TBC1D9: variants seen among roughly 807,000 people sequenced by gnomAD.
TBC1D9 encodes TBC1 domain family member 9.
In TBC1D9, 63 loss-of-function variants were observed where a neutral mutation model predicts 132.0. The ratio of observed to expected loss-of-function variants is 0.48; its 90% CI spans 0.39 to 0.59. The LOEUF is 0.59. Ranked by LOEUF, TBC1D9 falls within the 20% of genes least tolerant of loss-of-function variation. The pLI is 0.00. For missense variants in TBC1D9, 1,261 were observed against 1,592.7 expected (o/e 0.79, Z 3.54); for synonymous variants, 610 against 609.9 (o/e 1.00, Z 0.00).
intron 1 of TBC1D9, among the ~76,000 whole-genome samples, chr4:140,746,592 G>T (rs1223226196): frequency 2.0e-5 from 3 of 152,152 alleles, no homozygotes; most frequent in Non-Finnish European, 4.4e-5. Context: ...ACATGGCTGG[G>T]GAGGCCTCAT....
At chr4:140,737,779 T>C (rs1738698931) in intron 1 of TBC1D9, among the ~76,000 whole-genome samples, 1 of 152,196 alleles carries the variant, frequency 6.6e-6, no homozygotes, top group South Asian at 2.1e-4. Context: ...ATCGCTTTGG[T>C]GGAAAATTTG....
chr4:140,643,470 G>C (rs1048426547), intron 13 of TBC1D9: 1 of 894,888 alleles, frequency 1.1e-6, no homozygotes, highest in Non-Finnish European at 1.8e-6. Context: ...CAGGTAGCAG[G>C]TGCTGCCGGG....
intron 3 of TBC1D9, among the ~76,000 whole-genome samples, chr4:140,681,164 T>C (rs1400700791): frequency 1.3e-5 from 2 of 152,140 alleles, no homozygotes; most frequent in Non-Finnish European, 2.9e-5. Flanking sequence ...TGAGGCACCC[T>C]TGGGGCCTGA....
chr4:140,696,612 C>A (rs1737963582), intron 2 of TBC1D9, among the ~76,000 whole-genome samples: 1 of 152,142 alleles, frequency 6.6e-6, no homozygotes, highest in Non-Finnish European at 1.5e-5. Flanking sequence ...CCAAAACAGT[C>A]CTCCTGCCTG....
chr4:140,690,091 C>A (rs564252038), intron 2 of TBC1D9, among the ~76,000 whole-genome samples: 1 of 151,914 alleles, frequency 6.6e-6, no homozygotes, highest in South Asian at 2.1e-4. Flanking sequence ...ACATCCCCAC[C>A]ACACACACAC....
chr4:140,697,518 T>C (rs1178983573), intron 2 of TBC1D9, among the ~76,000 whole-genome samples: 1 of 152,216 alleles, frequency 6.6e-6, no homozygotes, highest in Non-Finnish European at 1.5e-5. Flanking sequence ...ATACAAAAAC[T>C]AAAACCATTC....
At chr4:140,677,222 G>A (rs756081822) in intron 5 of TBC1D9, 121 bp from the exon 6 acceptor site, 243 of 1,077,356 alleles carry the variant, frequency 2.3e-4, no homozygotes, top group Non-Finnish European at 2.9e-4. Context: ...CTCATCCCCC[G>A]CTTCTCAGCT....
chr4:140,725,162 A>G (rs1738479541), intron 1 of TBC1D9, among the ~76,000 whole-genome samples: 1 of 152,248 alleles, frequency 6.6e-6, no homozygotes, highest in African/African-American at 2.4e-5. Flanking sequence ...ATAAACGTCC[A>G]TTAACAGAGG....
chr4:140,704,025 C>T lies in TBC1D9; in HGVS notation c.131-2411G>A, dbSNP rs547981389. 1.4e-4 allele frequency among the ~76,000 whole-genome samples: 22 copies of T among 152,270 alleles called. No homozygotes were observed. In the South Asian group the frequency reaches 4.4e-3, roughly 30 times the overall value. On this transcript the variant is annotated intron_variant, in intron 1 of 20. Transcript: ENST00000442267. ...TTGAATCAAAATAAGAAATAAAATG[C>T]TGAAACTACTACAAGTGTCATATAT...
At chr4:140,689,281 G>T (rs1737836385) in intron 2 of TBC1D9, among the ~76,000 whole-genome samples, 1 of 152,030 alleles carries the variant, frequency 6.6e-6, no homozygotes, top group African/African-American at 2.4e-5. Context: ...TTTACTTTCA[G>T]AATCCCATGG....
intron 1 of TBC1D9, among the ~76,000 whole-genome samples, chr4:140,753,631 T>A (rs1454132716): frequency 1.3e-5 from 2 of 152,224 alleles, no homozygotes; most frequent in Non-Finnish European, 2.9e-5. Flanking sequence ...CATGCCTCTA[T>A]TTTTCGAAGT....
intron 2 of TBC1D9, among the ~76,000 whole-genome samples, chr4:140,698,603 C>T (rs1417624294): frequency 6.6e-6 from 1 of 151,976 alleles, no homozygotes; most frequent in Non-Finnish European, 1.5e-5. Context: ...CAAAAACTGG[C>T]AGGGCGTGCC....
chr4:140,634,386 A>C (rs571078901), intron 15 of TBC1D9, among the ~76,000 whole-genome samples, 198 bp from the exon 16 acceptor site: 198 of 152,232 alleles, frequency 1.3e-3, no homozygotes, highest in Admixed American at 2.4e-3. Flanking sequence ...CCTCCACACC[A>C]ACCACTTCTG....
chr4:140,714,708 C>T (rs1328627397), intron 1 of TBC1D9, among the ~76,000 whole-genome samples: 1 of 152,160 alleles, frequency 6.6e-6, no homozygotes, highest in Non-Finnish European at 1.5e-5. Context: ...GATAGCTTTC[C>T]AGGACCATTT....
chr4:140,655,055 G>T (rs572936606), intron 13 of TBC1D9, among the ~76,000 whole-genome samples: 3 of 152,104 alleles, frequency 2.0e-5, no homozygotes, highest in East Asian at 3.9e-4. Flanking sequence ...TAATATATTA[G>T]GGAATGCTCA....
chr4:140,715,199 T>G (rs1738316407), intron 1 of TBC1D9, among the ~76,000 whole-genome samples: 1 of 152,186 alleles, frequency 6.6e-6, no homozygotes, highest in South Asian at 2.1e-4. Context: ...ATATTAATAC[T>G]GGTCAGTTGT....
At chr4:140,724,608 T>C (rs1738470387) in intron 1 of TBC1D9, among the ~76,000 whole-genome samples, 1 of 150,292 alleles carries the variant, frequency 6.7e-6, no homozygotes. Context: ...AACTTCTACA[T>C]GTCAAAAACA....
At chr4:140,628,490 G>T in intron 16 of TBC1D9, 125 bp from the exon 17 acceptor site, 1 of 845,182 alleles carries the variant, frequency 1.2e-6, no homozygotes, top group Non-Finnish European at 1.9e-6. Flanking sequence ...TGAAAGGCCT[G>T]GCCAGGACCT....
At chr4:140,723,899 T>A (rs1026900149) in intron 1 of TBC1D9, among the ~76,000 whole-genome samples, 8 of 152,156 alleles carry the variant, frequency 5.3e-5, no homozygotes, top group Non-Finnish European at 1.0e-4. Flanking sequence ...TGAACCACCA[T>A]GCCTAGCTAA....
Sources: gnomAD v4.1 joint callset for allele counts (sites outside exome capture counted in the v4.1 genomes callset) on GRCh38, gnomAD v4.1.1 for gene constraint, MANE v1.5 for transcripts, NCBI Gene and HGNC (gene_info 2026-07-23, HGNC 2026-07-21) for gene names.